QDPR: variants seen among roughly 807,000 people sequenced by gnomAD.
QDPR encodes the protein dihydropteridine reductase.
In QDPR, 23 loss-of-function variants were observed where a neutral mutation model predicts 31.7. The observed-to-expected ratio is 0.73, with a 90% CI of 0.52 to 1.03. QDPR has a LOEUF of 1.03. QDPR is among the 50% of genes least tolerant of loss of function. The pLI is 0.00. For synonymous variants in QDPR, 124 were observed against 124.7 expected (o/e 0.99, Z 0.03); for missense variants, 324 against 323.8 (o/e 1.00, Z 0.00).
intron 3 of QDPR, among the ~76,000 whole-genome samples, chr4:17,502,120 G>A (rs1423830479): frequency 6.6e-6 from 1 of 152,164 alleles, no homozygotes; most frequent in Non-Finnish European, 1.5e-5. Flanking sequence ...AATAAACCTG[G>A]AGTTTACTGA....
intron 4 of QDPR, among the ~76,000 whole-genome samples, chr4:17,496,159 A>C (rs1718343330): frequency 6.6e-6 from 1 of 151,894 alleles, no homozygotes; most frequent in Admixed American, 6.6e-5. Flanking sequence ...GAAAAAACAA[A>C]CTGGGGCCAG....
chr4:17,491,346 A>G (rs1718157990), intron 5 of QDPR, among the ~76,000 whole-genome samples: 1 of 152,208 alleles, frequency 6.6e-6, no homozygotes, highest in South Asian at 2.1e-4. Context: ...GGAACCAGAA[A>G]GTCAATCAGT....
intron 2 of QDPR, 32 bp from the exon 3 acceptor site, chr4:17,504,507 T>C (rs1289691849): frequency 9.6e-6 from 15 of 1,557,440 alleles, no homozygotes; most frequent in Non-Finnish European, 1.3e-5. Flanking sequence ...ATGTATAAAC[T>C]GTAAGGTAAG....
chr4:17,486,797 T>C lies in QDPR; in HGVS notation c.*334A>G. Reference sequence around the variant, plus strand: ...CCCCAATACCAACAAATCAACAAAGTAGTCAAGATGACAGCCACTGTCAAG... The same window carrying C: ...CCCCAATACCAACAAATCAACAAAGCAGTCAAGATGACAGCCACTGTCAAG... On this transcript the variant is annotated 3_prime_UTR_variant, in exon 7 of 7. Coordinates refer to ENST00000281243, the MANE Select transcript of QDPR (RefSeq NM_000320.3). 3.3e-6 allele frequency: 1 copy of C among 306,068 alleles called. No individual in the cohort carries two copies. The allele number at this position is 306,068 out of a possible 1,614,324, so 19.0% of individuals were successfully genotyped here.
chr4:17,492,241 GC>G lies in QDPR; in HGVS notation c.535del (p.Ala179LeufsTer11). ...SGMPPGAAAIAVLPVTLDTPM... is the reference protein window; with the variant it reads ...SGMPPGAAAIXVLPVTLDTPM... ...AACCCCAAGCACTTACGGGAGCACA[GC>G]GATGGCGGCTGCCCCGGGCGGCATG... On this transcript the variant is annotated frameshift_variant, in exon 5 of 7. Transcript: ENST00000281243. LOFTEE classifies it high-confidence loss of function. 6.2e-7 allele frequency: 1 copy of G among 1,613,876 alleles called. No individual in the cohort carries two copies.
At position 17,497,164 on chromosome 4, in the gene QDPR, G is replaced by A. The variant is rs374704627; in HGVS notation, c.436+4555C>T. Among the ~76,000 whole-genome samples, 27 of 152,230 alleles carry A rather than the reference G, an allele frequency of 1.8e-4. No homozygotes were observed. The East Asian group carries it at 4.8e-3, about 27-fold the overall frequency. On this transcript the variant is annotated intron_variant, in intron 4 of 6. Coordinates refer to ENST00000281243, the MANE Select transcript of QDPR (RefSeq NM_000320.3). ...CCATCACTGTAGTTGGGCCTGGGAG[G>A]GAGTGCCATAGAGATCAGCGGTGTG...
At position 17,487,733 on chromosome 4, in the gene QDPR, C is replaced by T. The variant is rs185229380; in HGVS notation, c.630-497G>A. 7.0e-4 allele frequency among the ~76,000 whole-genome samples: 107 copies of T among 152,194 alleles called. 1 individual carries two copies. In the South Asian group the frequency reaches 0.021, roughly 30 times the overall value. ...ATCCCAGCACTTTGAGATGCCAAGG[C>T]GGGCGGATCGCTTGAGCCCAGGTGT... On this transcript the variant is annotated intron_variant, in intron 6 of 6. Coordinates refer to ENST00000281243, the MANE Select transcript of QDPR (RefSeq NM_000320.3).
intron 5 of QDPR, 44 bp downstream of exon 5, chr4:17,492,188 G>T (rs370222711): frequency 2.0e-6 from 3 of 1,535,868 alleles, no homozygotes; most frequent in Non-Finnish European, 9.0e-7. Context: ...ACCTGCAGCA[G>T]TGGGGCAGAG....
At chr4:17,494,338 AC>A (rs1256543914) in intron 4 of QDPR, among the ~76,000 whole-genome samples, 6 of 152,258 alleles carry the variant, frequency 3.9e-5, no homozygotes, top group African/African-American at 1.4e-4. Flanking sequence ...GTCAGGTGAA[AC>A]CAGCAACTTA....
rs1212016141 is a variant in QDPR, at chr4:17,486,775, C to T, written c.*356G>A. 7.1e-6 allele frequency: 2 copies of T among 279,926 alleles called. No homozygotes were observed. The highest frequency in any genetic ancestry group is 2.2e-5 in the African/African-American group (1 of 46,456). 17.3% of individuals were successfully genotyped at this position (279,926 alleles called of 1,614,324 possible). On this transcript the variant is annotated 3_prime_UTR_variant, in exon 7 of 7. Coordinates refer to ENST00000281243, the MANE Select transcript of QDPR (RefSeq NM_000320.3). ...AATAACTCAGCCTTTAAAATGTCCCCAATACCAACAAATCAACAAAGTAGT... is the reference window on the plus strand; with the variant it reads ...AATAACTCAGCCTTTAAAATGTCCCTAATACCAACAAATCAACAAAGTAGT...
At position 17,511,981 on chromosome 4, in the gene QDPR, C is replaced by T; in HGVS notation, c.74G>A (p.Arg25Gln). 1 of 1,611,020 alleles carries T rather than the reference C, an allele frequency of 6.2e-7. No individual in the cohort carries two copies. The change falls in exon 1 of 7, where the codon CGA (arginine) becomes CAA (glutamine). Residue 25 changes from arginine to glutamine, a missense_variant. By Grantham distance (43) the Arg-to-Gln change is conservative. Coordinates refer to ENST00000281243, the MANE Select transcript of QDPR (RefSeq NM_000320.3). Reference sequence around the variant, plus strand: ...GCGGGCCCGAAAAGCCTGCACGCATCGAGAACCCAGAGCGCCCCTGCCGCC... The same window carrying T: ...GCGGGCCCGAAAAGCCTGCACGCATTGAGAACCCAGAGCGCCCCTGCCGCC... Reference protein sequence around the residue: ...VYGGRGALGSRCVQAFRARNW... With the variant: ...VYGGRGALGSQCVQAFRARNW...
chr4:17,500,980 C>G (rs1412700985), intron 4 of QDPR, among the ~76,000 whole-genome samples: 2 of 152,176 alleles, frequency 1.3e-5, no homozygotes, highest in African/African-American at 4.8e-5. Flanking sequence ...TTGTGAATAA[C>G]AGTAAGACTT....
In QDPR at chr4:17,492,457, GCCT is replaced by G. The variant is rs921765017; in HGVS notation, c.437-120_437-118del. 34 of 833,700 alleles carry G rather than the reference GCCT, an allele frequency of 4.1e-5. No individual in the cohort carries two copies. The African/African-American group carries it at 5.0e-4, about 12-fold the overall frequency. 51.6% of individuals were successfully genotyped at this position (833,700 alleles called of 1,614,324 possible). ...AAAACTTTATAAATAGCTGCATCTGGCCTCCTCCTTCAGGTCAGACGCCCTCAC... is the reference window on the plus strand; with the variant it reads ...AAAACTTTATAAATAGCTGCATCTGGCCTCCTTCAGGTCAGACGCCCTCAC... On this transcript the variant is annotated intron_variant, in intron 4 of 6. Transcript: ENST00000281243.
chr4:17,497,777 ATTTC>A (rs1718419430), intron 4 of QDPR, among the ~76,000 whole-genome samples: 1 of 152,162 alleles, frequency 6.6e-6, no homozygotes, highest in Non-Finnish European at 1.5e-5. Context: ...GCCTAAAAAT[ATTTC>A]TTTCTTTTTC....
rs935292514 is a variant in QDPR, at chr4:17,490,591, C to T, written c.629+71G>A. ...ACGATCTCAGGGAACACAGACTTGT[C>T]CTCTGGACCACAGCAGGCAGAGAAT... On this transcript the variant is annotated intron_variant, in intron 6 of 6. Transcript: ENST00000281243. 5 of 1,308,526 alleles carry T rather than the reference C, an allele frequency of 3.8e-6. No individual in the cohort carries two copies. The African/African-American group carries it at 7.3e-5, about 19-fold the overall frequency. 81.1% of individuals were successfully genotyped at this position (1,308,526 alleles called of 1,614,324 possible).
At chr4:17,503,297 T>A (rs180934193) in intron 3 of QDPR, among the ~76,000 whole-genome samples, 1 of 152,008 alleles carries the variant, frequency 6.6e-6, no homozygotes, top group African/African-American at 2.4e-5. Context: ...AAACCTTGAG[T>A]GGAATATGTT....
Position 17,512,034 on chromosome 4 carries a change from T to TGCA in QDPR, c.18_20dup (p.Ala7dup). On this transcript the variant is annotated inframe_insertion, in exon 1 of 7. Coordinates refer to ENST00000281243, the MANE Select transcript of QDPR (RefSeq NM_000320.3). ...ACACCAGCACCCGGCGCGCCTCGCCTGCAGCCGCCGCCGCCGCCATCCTGC... is the reference window on the plus strand; with the variant it reads ...ACACCAGCACCCGGCGCGCCTCGCCTGCAGCAGCCGCCGCCGCCGCCATCCTGC... 6.2e-7 allele frequency: 1 copy of TGCA among 1,603,558 alleles called. No individual in the cohort carries two copies. The highest frequency in any genetic ancestry group is 8.5e-7 in the Non-Finnish European group (1 of 1,176,284).
chr4:17,490,440 G>A (rs559742976), intron 6 of QDPR: 236 of 537,714 alleles, frequency 4.4e-4, no homozygotes, highest in Non-Finnish European at 7.2e-4. Flanking sequence ...AGCGAGCCAG[G>A]ATTCATGTCG....
At chr4:17,500,000 T>C (rs1390761739) in intron 4 of QDPR, among the ~76,000 whole-genome samples, 2 of 151,960 alleles carry the variant, frequency 1.3e-5, no homozygotes, top group African/African-American at 4.8e-5. Flanking sequence ...TTTTTTTCTT[T>C]TGAGAGGGAG....
Sources: gnomAD v4.1 joint callset for allele counts (sites outside exome capture counted in the v4.1 genomes callset) on GRCh38, gnomAD v4.1.1 for gene constraint, MANE v1.5 for transcripts, NCBI Gene and HGNC (gene_info 2026-07-23, HGNC 2026-07-21) for gene names.